Variants in ANKS1A observed in about 807,000 individuals in gnomAD.
ANKS1A encodes the protein ankyrin repeat and SAM domain-containing protein 1A.
A neutral mutation model predicts 120.3 loss-of-function variants in ANKS1A; 55 were observed. That is an observed-to-expected ratio of 0.46 (90% CI 0.37 to 0.57). ANKS1A has a LOEUF of 0.57. Among genes scored for constraint, ANKS1A ranks in the 20% least tolerant of loss-of-function variants. ANKS1A has a pLI of 0.00. For synonymous variants in ANKS1A, 590 were observed against 604.7 expected, an observed-to-expected ratio of 0.98 and a Z score of 0.36; for missense variants, 1,123 against 1,480.3, an observed-to-expected ratio of 0.76 and a Z score of 3.96.
At chr6:35,005,106 C>T (rs1178339843) in intron 10 of ANKS1A, among the ~76,000 whole-genome samples, 1 of 152,120 alleles carries the variant, frequency 6.6e-6, no homozygotes, top group African/African-American at 2.4e-5. Flanking sequence ...TTCTTAAATA[C>T]TTATAAAAGT....
intron 1 of ANKS1A, among the ~76,000 whole-genome samples, chr6:34,960,649 A>C (rs1404769566): frequency 6.6e-6 from 1 of 152,176 alleles, no homozygotes; most frequent in Non-Finnish European, 1.5e-5. Flanking sequence ...CTCACCAGTC[A>C]TATTCTTCCA....
chr6:34,989,378 T>A (rs745762489), intron 9 of ANKS1A, 62 bp downstream of exon 9: 4 of 1,468,882 alleles, frequency 2.7e-6, no homozygotes, highest in African/African-American at 2.8e-5. Flanking sequence ...AGTGCATCGA[T>A]GTGTGCTTTA....
intron 1 of ANKS1A, among the ~76,000 whole-genome samples, chr6:34,963,480 C>T (rs1770752830): frequency 6.6e-6 from 1 of 152,158 alleles, no homozygotes; most frequent in African/African-American, 2.4e-5. Flanking sequence ...GAAAGTATGT[C>T]ATTGTTTATA....
chr6:34,963,953 T>G (rs745429210), intron 1 of ANKS1A, among the ~76,000 whole-genome samples: 15 of 152,216 alleles, frequency 9.9e-5, no homozygotes, highest in Non-Finnish European at 1.8e-4. Context: ...GCCCAATGTT[T>G]CCAATCAGGT....
At chr6:34,947,311 T>C (rs1368524691) in intron 1 of ANKS1A, among the ~76,000 whole-genome samples, 1 of 152,046 alleles carries the variant, frequency 6.6e-6, no homozygotes, top group Non-Finnish European at 1.5e-5. Context: ...CATGCCTGAC[T>C]AATTTATGAA....
At chr6:35,048,804 C>T (rs116806241) in intron 11 of ANKS1A, among the ~76,000 whole-genome samples, 175 of 152,304 alleles carry the variant, frequency 1.1e-3, no homozygotes, top group Non-Finnish European at 1.8e-3. Flanking sequence ...CGTCAGCAGT[C>T]GCCTGATGGG....
At chr6:34,967,362 C>G (rs781346976) in intron 2 of ANKS1A, 43 bp downstream of exon 2, 7 of 1,588,776 alleles carry the variant, frequency 4.4e-6, no homozygotes, top group Non-Finnish European at 6.0e-6. Context: ...CCCTTCAGAA[C>G]CCAGGCCTTC....
downstream of ANKS1A, chr6:35,091,526 A>AT (rs1561975695): frequency 1.5e-6 from 1 of 662,318 alleles, no homozygotes; most frequent in African/African-American, 2.0e-5. Context: ...CGTTTGGCTG[A>AT]GATGACGACA....
intron 1 of ANKS1A, among the ~76,000 whole-genome samples, chr6:34,962,230 G>A (rs1163778141): frequency 1.3e-5 from 2 of 152,150 alleles, no homozygotes; most frequent in Non-Finnish European, 2.9e-5. Flanking sequence ...AGAAGTTCAG[G>A]CTTAGTGGAG....
At chr6:34,981,009 T>A (rs1473325768) in intron 3 of ANKS1A, among the ~76,000 whole-genome samples, 1 of 152,190 alleles carries the variant, frequency 6.6e-6, no homozygotes, top group Non-Finnish European at 1.5e-5. Flanking sequence ...TGGCTGCCAT[T>A]TTAATGAAGT....
At chr6:34,915,586 G>A (rs2092428) in intron 1 of ANKS1A, among the ~76,000 whole-genome samples, 46,318 of 151,906 alleles carry the variant, frequency 0.3, 9,859 homozygotes, top group East Asian at 0.58. Context: ...GGCTTAAGCA[G>A]TCCTCCTGCA....
intron 13 of ANKS1A, among the ~76,000 whole-genome samples, chr6:35,075,309 C>T (rs889033917): frequency 1.3e-5 from 2 of 150,432 alleles, no homozygotes; most frequent in African/African-American, 4.9e-5. Flanking sequence ...CACTTAGCTA[C>T]AAAAAATAGA....
Position 35,085,644 on chromosome 6 carries a change from A to C in ANKS1A, c.3133-122A>C. Reference sequence around the variant, plus strand: ...AGGAGGGAAAGGAGGGAAGAGTGGAAGGAGGTAGGAGCGCTCCCGGGTAGA... The same window carrying C: ...AGGAGGGAAAGGAGGGAAGAGTGGACGGAGGTAGGAGCGCTCCCGGGTAGA... On this transcript the variant is annotated intron_variant, in intron 21 of 23. Transcript: ENST00000360359. This position sits in a 1 kb window ranked among gnomAD's most constrained non-coding sequence, Gnocchi z 4.7. 12 of 894,842 alleles carry C rather than the reference A, an allele frequency of 1.3e-5. No individual in the cohort carries two copies. The highest frequency in any genetic ancestry group is 2.0e-5 in the South Asian group (1 of 49,546). The allele number at this position is 894,842 out of a possible 1,614,324, so 55.4% of individuals were successfully genotyped here.
At position 35,091,064 on chromosome 6, in the gene ANKS1A, G is replaced by A. The variant is rs1420913372; in HGVS notation, c.*2455G>A. The stretch of plus-strand genomic sequence containing the variant: ...TCTGAATTGGGTCTGTCTTTGAGAT[G>A]CCCAGGCCAGCAGAAAGCAGCTCAG... On this transcript the variant is annotated 3_prime_UTR_variant, in exon 24 of 24. Coordinates refer to ENST00000360359, the MANE Select transcript of ANKS1A (RefSeq NM_015245.3). The A allele has an allele frequency of 8.1e-6, 8 of 985,798 alleles. No individual in the cohort carries two copies. Among genetic ancestry groups the A allele is most frequent in the African/African-American group, 3.5e-5 (2 of 57,250 alleles). The allele number at this position is 985,798 out of a possible 1,614,324, so 61.1% of individuals were successfully genotyped here. A position where few individuals can be genotyped will look rare whatever the true frequency, so the allele number is the denominator to read the frequency against.
chr6:35,070,276 G>A (rs1434541838), intron 13 of ANKS1A, among the ~76,000 whole-genome samples: 1 of 151,902 alleles, frequency 6.6e-6, no homozygotes, highest in Non-Finnish European at 1.5e-5. Flanking sequence ...CTCTTTCCCA[G>A]CTTAACCCCC....
At position 34,893,657 on chromosome 6, in the gene ANKS1A, G is replaced by C. The variant is rs185320195; in HGVS notation, c.197+4058G>C. Among the ~76,000 whole-genome samples, 4 of 152,306 alleles carry C rather than the reference G, an allele frequency of 2.6e-5. No homozygotes were observed. In the East Asian group the frequency reaches 7.7e-4, roughly 29 times the overall value. On this transcript the variant is annotated intron_variant, in intron 1 of 23. Transcript: ENST00000360359. ...AGAATTAGCCCCTCTCTTCATACATGTTCTGTTCCCTTACAGAGTTTATAG... is the reference window on the plus strand; with the variant it reads ...AGAATTAGCCCCTCTCTTCATACATCTTCTGTTCCCTTACAGAGTTTATAG...
intron 1 of ANKS1A, among the ~76,000 whole-genome samples, chr6:34,909,266 C>T (rs1055470854): frequency 6.6e-6 from 1 of 152,150 alleles, no homozygotes; most frequent in African/African-American, 2.4e-5. Context: ...TAAATTCTCC[C>T]GTAAAACACA....
chr6:34,976,261 G>A (rs1000697887), intron 3 of ANKS1A, among the ~76,000 whole-genome samples: 4 of 151,996 alleles, frequency 2.6e-5, no homozygotes, highest in African/African-American at 9.7e-5. Flanking sequence ...TGAGTGCTAA[G>A]TTCTATCAGG....
chr6:34,897,794 A>G (rs1409484750), intron 1 of ANKS1A, among the ~76,000 whole-genome samples: 1 of 152,210 alleles, frequency 6.6e-6, no homozygotes, highest in Non-Finnish European at 1.5e-5. Context: ...AAGAGTTTTT[A>G]AAACAAGTCA....
Sources: gnomAD v4.1 joint callset for allele counts (sites outside exome capture counted in the v4.1 genomes callset) on GRCh38, gnomAD v4.1.1 for gene constraint, Gnocchi (gnomAD v3.1) non-coding constraint, MANE v1.5 for transcripts, NCBI Gene and HGNC (gene_info 2026-07-23, HGNC 2026-07-21) for gene names.